Variants in CR1L observed in about 807,000 individuals in gnomAD.
The protein encoded by CR1L is complement C3b/C4b receptor 1 like.
A neutral mutation model predicts 62.3 loss-of-function variants in CR1L; 59 were observed. The observed-to-expected ratio is 0.95, with a 90% CI of 0.77 to 1.18. The LOEUF (loss-of-function observed/expected upper bound fraction) is 1.18. Among genes scored for constraint, CR1L ranks in the 50% most tolerant of loss-of-function variants. The probability of loss-of-function intolerance (pLI) is 0.00; values close to 1 mark genes in which losing one functional copy is unlikely to be tolerated. For synonymous variants in CR1L, 279 were observed against 248.7 expected (o/e 1.12, Z -1.15); for missense variants, 700 against 702.8 (o/e 1.00, Z 0.04).
intron 9 of CR1L, among the ~76,000 whole-genome samples, chr1:207,702,645 TA>T (rs1476062568): frequency 6.6e-6 from 1 of 152,220 alleles, no homozygotes; most frequent in Non-Finnish European, 1.5e-5. Context: ...GAAACAGCCT[TA>T]TTGCTGATAT....
In CR1L at chr1:207,678,198, G is replaced by C. The variant is rs1474365202; in HGVS notation, c.278G>C (p.Arg93Pro). ...TCAAATTTCTGTTTCTTTCCTGTAG[G>C]TAAATCATGTCGTAATCCTCCAGAT... ...VWTSAKDKCK[R>P]KSCRNPPDPV... Residue 93 changes from arginine (R) to proline (P), a missense_variant and splice_region_variant, in exon 3 of 12, where the codon CGT (arginine) becomes CCT (proline). Transcript: ENST00000508064. 3 of 1,613,432 alleles carry C rather than the reference G, an allele frequency of 1.9e-6. No homozygotes were observed. The highest frequency in any genetic ancestry group is 2.5e-6 in the Non-Finnish European group (3 of 1,179,486).
At chr1:207,674,312 T>A (rs1389590489) in intron 1 of CR1L, among the ~76,000 whole-genome samples, 1 of 152,210 alleles carries the variant, frequency 6.6e-6, no homozygotes, top group Non-Finnish European at 1.5e-5. Flanking sequence ...GTAATCAAAT[T>A]GTACACTTTA....
intron 10 of CR1L, chr1:207,710,434 C>T (rs1023545310): frequency 3.4e-5 from 53 of 1,579,714 alleles, no homozygotes; most frequent in African/African-American, 1.3e-4. Flanking sequence ...TCATTAGCAC[C>T]GACAGAGAGT....
intron 10 of CR1L, among the ~76,000 whole-genome samples, chr1:207,717,190 TA>T (rs945374319): frequency 3.9e-5 from 6 of 151,940 alleles, no homozygotes; most frequent in Non-Finnish European, 8.8e-5. Flanking sequence ...GTAAAAAAAT[TA>T]AAAAAAATTA....
intron 9 of CR1L, among the ~76,000 whole-genome samples, chr1:207,703,303 C>CCT (rs1558023399): frequency 6.6e-6 from 1 of 152,184 alleles, no homozygotes; most frequent in Non-Finnish European, 1.5e-5. Context: ...TTTTTAGGAG[C>CCT]TAATCTCGTT....
intron 7 of CR1L, among the ~76,000 whole-genome samples, chr1:207,698,210 T>C (rs1288330806): frequency 1.3e-5 from 2 of 152,138 alleles, no homozygotes; most frequent in Non-Finnish European, 2.9e-5. Context: ...AAATAGAATA[T>C]GAGTAATTTA....
intron 11 of CR1L, among the ~76,000 whole-genome samples, chr1:207,722,271 C>T (rs1410389432): frequency 1.3e-4 from 15 of 114,706 alleles, no homozygotes; most frequent in Non-Finnish European, 2.7e-4. Flanking sequence ...CTTGCCTATG[C>T]CTATGTCCTG....
chr1:207,662,589 C>T (rs995285839), intron 1 of CR1L, among the ~76,000 whole-genome samples: 1 of 152,066 alleles, frequency 6.6e-6, no homozygotes, highest in Non-Finnish European at 1.5e-5. Flanking sequence ...GCCATGGGTT[C>T]GAACTTCCTC....
At chr1:207,686,142 T>TCCTA (rs1443838106) in intron 4 of CR1L, among the ~76,000 whole-genome samples, 1 of 45,662 alleles carries the variant, frequency 2.2e-5, no homozygotes. Context: ...CTCCCTTCCT[T>TCCTA]CCTTCCTTCC....
chr1:207,720,162 C>A (rs1331803351), intron 11 of CR1L, among the ~76,000 whole-genome samples: 13 of 152,144 alleles, frequency 8.5e-5, no homozygotes, highest in Admixed American at 8.5e-4. Flanking sequence ...TTGGGCTGAA[C>A]CACATAGGAA....
intron 9 of CR1L, among the ~76,000 whole-genome samples, chr1:207,703,476 G>T (rs1664222908): frequency 6.6e-6 from 1 of 152,216 alleles, no homozygotes; most frequent in Non-Finnish European, 1.5e-5. Context: ...TAGGCTCACT[G>T]TTGAGATATA....
intron 5 of CR1L, among the ~76,000 whole-genome samples, chr1:207,695,255 A>G (rs1426166168): frequency 6.6e-6 from 1 of 152,126 alleles, no homozygotes; most frequent in African/African-American, 2.4e-5. Flanking sequence ...CCTCCCAAGC[A>G]GCTGGGACTA....
At chr1:207,694,305 G>A in intron 4 of CR1L, 48 bp from the exon 5 acceptor site, 1 of 1,606,862 alleles carries the variant, frequency 6.2e-7, no homozygotes. Flanking sequence ...TGACTCGTGA[G>A]ATTTTTGTCA....
chr1:207,677,543 G>A lies in CR1L; in HGVS notation c.252G>A (p.Trp84Ter), dbSNP rs1353692018. 6.2e-7 allele frequency: 1 copy of A among 1,613,848 alleles called. No homozygotes were observed. Among genetic ancestry groups the A allele is most frequent in the South Asian group, 1.1e-5 (1 of 91,052 alleles). Residue 84 changes from tryptophan (W) to a stop codon, truncating the protein, a stop_gained, in exon 2 of 12, where the codon TGG becomes TGA. Transcript: ENST00000508064. LOFTEE classifies it high-confidence loss of function. ...FSIICLKNSV[W>*]TSAKDKCKRK... is the part of the protein sequence containing the mutation. ...TCATCTGCCTAAAAAACTCAGTCTG[G>A]ACAAGTGCTAAGGACAAGTGCAAAC...
chr1:207,646,155 G>T (rs1286904462), intron 1 of CR1L, among the ~76,000 whole-genome samples: 1 of 152,086 alleles, frequency 6.6e-6, no homozygotes, highest in Non-Finnish European at 1.5e-5. Context: ...TCATCTTCCT[G>T]TTCCCAACCA....
chr1:207,668,470 T>A (rs1017651487), intron 1 of CR1L, among the ~76,000 whole-genome samples: 9 of 150,876 alleles, frequency 6.0e-5, no homozygotes, highest in Admixed American at 2.6e-4. Flanking sequence ...AAAAAGCTCA[T>A]CTCATAGAAG....
intron 4 of CR1L, among the ~76,000 whole-genome samples, chr1:207,687,438 C>G (rs1296447026): frequency 6.6e-6 from 1 of 152,164 alleles, no homozygotes; most frequent in East Asian, 1.9e-4. Context: ...AAATTAAATG[C>G]ACCCATGTAA....
intron 4 of CR1L, among the ~76,000 whole-genome samples, chr1:207,686,730 T>C (rs1370626184): frequency 6.6e-6 from 1 of 152,230 alleles, no homozygotes; most frequent in Non-Finnish European, 1.5e-5. Context: ...TAAAGTTGTA[T>C]ATTACGGTCT....
chr1:207,678,267 G>A lies in CR1L; in HGVS notation c.347G>A (p.Arg116Lys), dbSNP rs2102458455. The change falls in exon 3 of 12, where the codon AGA becomes AAA. Residue 116 changes from arginine (R) to lysine (K), a missense_variant. Arg to Lys is a conservative substitution (Grantham distance 26). Coordinates refer to ENST00000508064, the MANE Select transcript of CR1L (RefSeq NM_175710.2). Reference protein sequence around the residue: ...MAHVIKDIQFRSQIKYSCPKG... With the variant: ...MAHVIKDIQFKSQIKYSCPKG... Reference sequence around the variant, plus strand: ...CATGTGATCAAAGACATCCAGTTCAGATCCCAAATTAAATATTCTTGTCCT... The same window carrying A: ...CATGTGATCAAAGACATCCAGTTCAAATCCCAAATTAAATATTCTTGTCCT... 6.2e-7 allele frequency: 1 copy of A among 1,613,486 alleles called. No individual in the cohort carries two copies. The highest frequency in any genetic ancestry group is 2.2e-5 in the East Asian group (1 of 44,880).
Sources: allele counts gnomAD v4.1 joint callset (sites outside exome capture counted in the v4.1 genomes callset), GRCh38; gene constraint gnomAD v4.1.1; transcripts MANE v1.5; gene names NCBI Gene and HGNC (gene_info 2026-07-23, HGNC 2026-07-21).